The following ZNF470 variants were observed in gnomAD, a reference collection of about 807,000 sequenced individuals.
ZNF470 encodes zinc finger protein 470, also known as chondrogenesis zinc finger protein 1.
A neutral mutation model predicts 13.9 loss-of-function variants in ZNF470; 13 were observed. The observed-to-expected ratio is 0.94, with a 90% CI of 0.61 to 1.49. The LOEUF (loss-of-function observed/expected upper bound fraction) is 1.49, where lower values mean the gene tolerates loss of function less well. Among genes scored for constraint, ZNF470 ranks in the 40% most tolerant of loss-of-function variants. ZNF470 has a pLI of 0.00. For missense variants in ZNF470, 929 were observed against 857.3 expected (o/e 1.08, Z -1.04); for synonymous variants, 293 against 282.9 (o/e 1.04, Z -0.36).
chr19:56,579,521 T>A lies in ZNF470; in HGVS notation c.*938T>A. On this transcript the variant is annotated 3_prime_UTR_variant, in exon 6 of 6. Transcript: ENST00000330619. ...ACAAGCCAAAAAAACTTGAATAGAT[T>A]AATAGCCATGAAACACTGAAAAGGG... The A allele has an allele frequency of 4.1e-6, 4 of 985,314 alleles. 1 individual carries two copies. Among genetic ancestry groups the A allele is most frequent in the Non-Finnish European group, 4.8e-6 (4 of 829,866 alleles). The allele number at this position is 985,314 out of a possible 1,614,324, so 61.0% of individuals were successfully genotyped here.
In ZNF470 at chr19:56,580,848, T is replaced by G. The variant is rs992097868; in HGVS notation, c.*2265T>G. 1.9e-5 allele frequency: 19 copies of G among 985,154 alleles called. No homozygotes were observed. The highest frequency in any genetic ancestry group is 6.1e-5 in the Admixed American group (1 of 16,266). The allele number at this position is 985,154 out of a possible 1,614,324, so 61.0% of individuals were successfully genotyped here. ...TGATAAAAAGGATTTTTCATTGTAG[T>G]GGGGAAAAGGTGGTTTGATCAAATG... On this transcript the variant is annotated 3_prime_UTR_variant, in exon 6 of 6. Transcript: ENST00000330619.
Position 56,581,974 on chromosome 19 carries a change from C to G in ZNF470, c.*3391C>G. The G allele has an allele frequency of 1.0e-6, 1 of 985,328 alleles. No homozygotes were observed. Among genetic ancestry groups the G allele is most frequent in the African/African-American group, 1.7e-5 (1 of 57,292 alleles). 61.0% of individuals were successfully genotyped at this position (985,328 alleles called of 1,614,324 possible). A position where few individuals can be genotyped will look rare whatever the true frequency, so the allele number is the denominator to read the frequency against. ...TTCCTCAAACTACCCATTGTCTTTC[C>G]GGTACTTGATTTTTGCCTCCTGTTG... On this transcript the variant is annotated 3_prime_UTR_variant, in exon 6 of 6. Coordinates refer to ENST00000330619, the MANE Select transcript of ZNF470 (RefSeq NM_001001668.4).
chr19:56,567,563 G>T lies in ZNF470; in HGVS notation c.-634G>T. On this transcript the variant is annotated 5_prime_UTR_variant, in exon 1 of 6. Coordinates refer to ENST00000330619, the MANE Select transcript of ZNF470 (RefSeq NM_001001668.4). ...CGGGGCAGCGGCCGAGGCTGGACTG[G>T]GGCGCGGCGGGGGCGGTGTCCTGGT... is the stretch of plus-strand genomic sequence containing the variant. 1 of 986,190 alleles carries T rather than the reference G, an allele frequency of 1.0e-6. No individual in the cohort carries two copies. 61.1% of individuals were successfully genotyped at this position (986,190 alleles called of 1,614,324 possible).
chr19:56,574,257 G>T, intron 3 of ZNF470, 137 bp from the exon 4 acceptor site: 1 of 1,351,788 alleles, frequency 7.4e-7, no homozygotes, highest in South Asian at 1.2e-5. Context: ...TACCTGACCC[G>T]GATCATTTAG....
At position 56,582,153 on chromosome 19, in the gene ZNF470, CATG is replaced by C. The variant is rs2044540521; in HGVS notation, c.*3571_*3573del. Reference sequence around the variant, plus strand: ...TTATATTCTAGACTGGAAAGCATCTCATGGTGTGCGATGAGCAAACGCCTGATT... The same window carrying C: ...TTATATTCTAGACTGGAAAGCATCTCGTGTGCGATGAGCAAACGCCTGATT... On this transcript the variant is annotated 3_prime_UTR_variant, in exon 6 of 6. Transcript: ENST00000330619. 2 of 985,260 alleles carry C rather than the reference CATG, an allele frequency of 2.0e-6. No individual in the cohort carries two copies. Among genetic ancestry groups the C allele is most frequent in the Non-Finnish European group, 2.4e-6 (2 of 829,934 alleles). 61.0% of individuals were successfully genotyped at this position (985,260 alleles called of 1,614,324 possible).
Position 56,577,098 on chromosome 19 carries a change from AG to A in ZNF470, c.670del (p.Glu224LysfsTer5). The A allele has an allele frequency of 1.2e-6, 2 of 1,608,048 alleles. No homozygotes were observed. The highest frequency in any genetic ancestry group is 1.7e-6 in the Non-Finnish European group (2 of 1,178,436). On this transcript the variant is annotated frameshift_variant, in exon 6 of 6. Transcript: ENST00000330619. LOFTEE classifies it low-confidence loss of function (END_TRUNC). ...TGAAAAAACACAAGCAAGACCGTGG[AG>A]AAAAGAAACTTTTAAAATGTAATGA... is the stretch of plus-strand genomic sequence containing the variant. ...VVKKHKQDRGEKKLLKCNDCE... is the reference protein window; with the variant it reads ...VVKKHKQDRGXKKLLKCNDCE...
At chr19:56,573,865 A>G in intron 3 of ZNF470, 1 of 613,504 alleles carries the variant, frequency 1.6e-6, no homozygotes, top group Non-Finnish European at 2.0e-6. Context: ...CTTTTATTTC[A>G]GAAGAAAAGA....
Position 56,581,316 on chromosome 19 carries a change from C to A in ZNF470, c.*2733C>A. 2 of 810,208 alleles carry A rather than the reference C, an allele frequency of 2.5e-6. No individual in the cohort carries two copies. The highest frequency in any genetic ancestry group is 5.6e-5 in the South Asian group (1 of 17,714). The allele number at this position is 810,208 out of a possible 1,614,324, so 50.2% of individuals were successfully genotyped here. A position where few individuals can be genotyped will look rare whatever the true frequency, so the allele number is the denominator to read the frequency against. On this transcript the variant is annotated 3_prime_UTR_variant, in exon 6 of 6. Coordinates refer to ENST00000330619, the MANE Select transcript of ZNF470 (RefSeq NM_001001668.4). The stretch of plus-strand genomic sequence containing the variant: ...ATCTACTTTTTCCCCAAAAGACTGA[C>A]TAATCGAGTGATAACATTCAGTATT...
Position 56,579,086 on chromosome 19 carries a change from T to C in ZNF470, c.*503T>C. On this transcript the variant is annotated 3_prime_UTR_variant, in exon 6 of 6. Transcript: ENST00000330619. ...CTGTGACATTGTTGATGAGCAACTC[T>C]CACTTTACCTGACACTGAGAAGTGA... The C allele has an allele frequency of 8.1e-6, 8 of 985,652 alleles. No individual in the cohort carries two copies. The highest frequency in any genetic ancestry group is 9.6e-6 in the Non-Finnish European group (8 of 830,096). The allele number at this position is 985,652 out of a possible 1,614,324, so 61.1% of individuals were successfully genotyped here.
At position 56,574,723 on chromosome 19, in the gene ZNF470, C is replaced by T; in HGVS notation, c.273C>T (p.Gly91=). ...PWVIKGGMNR[G]LCPDLECVWV... is the part of the protein sequence containing the mutation. ...TGATAAAAGGAGGGATGAACAGAGG[C>T]CTGTGCCCAGGTAAGTGGAGGATAC... Residue 91 remains glycine, a synonymous_variant, in exon 5 of 6, where the codon GGC becomes GGT. Coordinates refer to ENST00000330619, the MANE Select transcript of ZNF470 (RefSeq NM_001001668.4). 1 of 1,613,410 alleles carries T rather than the reference C, an allele frequency of 6.2e-7. No homozygotes were observed.
At position 56,581,837 on chromosome 19, in the gene ZNF470, A is replaced by G. The variant is rs1474424593; in HGVS notation, c.*3254A>G. 2.0e-6 allele frequency: 2 copies of G among 985,368 alleles called. No individual in the cohort carries two copies. Among genetic ancestry groups the G allele is most frequent in the East Asian group, 1.1e-4 (1 of 8,802 alleles). 61.0% of individuals were successfully genotyped at this position (985,368 alleles called of 1,614,324 possible). A position where few individuals can be genotyped will look rare whatever the true frequency, so the allele number is the denominator to read the frequency against. The stretch of plus-strand genomic sequence containing the variant: ...GCCAATAAAATTGTCTCTGAATTTC[A>G]AAAGGCATTTGGATCTGTGTCATCC... On this transcript the variant is annotated 3_prime_UTR_variant, in exon 6 of 6. Coordinates refer to ENST00000330619, the MANE Select transcript of ZNF470 (RefSeq NM_001001668.4).
chr19:56,572,371 A>ATGTATATATATATATATATAT (rs1179200077), intron 3 of ZNF470, among the ~76,000 whole-genome samples: 1 of 17,242 alleles, frequency 5.8e-5, no homozygotes, highest in African/African-American at 8.3e-4. Flanking sequence ...AAAAAAAAAA[A>ATGTATATATATATATATATAT]ATATATATAT....
intron 3 of ZNF470, chr19:56,573,919 C>T (rs549910404): frequency 1.3e-5 from 13 of 981,404 alleles, no homozygotes; most frequent in Non-Finnish European, 1.6e-5. Context: ...AGGCATACCT[C>T]TTAACATCTC....
chr19:56,576,699 T>G lies in ZNF470; in HGVS notation c.284-14T>G. ...TTTAATAAAGGAGACATTTACTTTC[T>G]TAATATCTTTCAGACTTGGAGTGTG... On this transcript the variant is annotated splice_polypyrimidine_tract_variant and intron_variant, in intron 5 of 5. Coordinates refer to ENST00000330619, the MANE Select transcript of ZNF470 (RefSeq NM_001001668.4). 3 of 1,374,790 alleles carry G rather than the reference T, an allele frequency of 2.2e-6. No individual in the cohort carries two copies. The highest frequency in any genetic ancestry group is 2.8e-6 in the Non-Finnish European group (3 of 1,056,200). 85.2% of individuals were successfully genotyped at this position (1,374,790 alleles called of 1,614,324 possible). A position where few individuals can be genotyped will look rare whatever the true frequency, so the allele number is the denominator to read the frequency against.
At chr19:56,575,666 T>C (rs2044483857) in intron 5 of ZNF470, among the ~76,000 whole-genome samples, 1 of 152,084 alleles carries the variant, frequency 6.6e-6, no homozygotes, top group Non-Finnish European at 1.5e-5. Context: ...AGAGACAGGA[T>C]CTTGCTATGT....
chr19:56,580,415 C>T lies in ZNF470; in HGVS notation c.*1832C>T, dbSNP rs1292627348. The stretch of plus-strand genomic sequence containing the variant: ...TTCTGGAGAACACCCATATCCTTCT[C>T]TCTGTATCCATCAGCAGAAGTGAAG... On this transcript the variant is annotated 3_prime_UTR_variant, in exon 6 of 6. Coordinates refer to ENST00000330619, the MANE Select transcript of ZNF470 (RefSeq NM_001001668.4). 1.3e-5 allele frequency: 2 copies of T among 153,014 alleles called. No homozygotes were observed. Among genetic ancestry groups the T allele is most frequent in the Non-Finnish European group, 2.9e-5 (2 of 68,812 alleles). 9.5% of individuals were successfully genotyped at this position (153,014 alleles called of 1,614,324 possible). A position where few individuals can be genotyped will look rare whatever the true frequency, so the allele number is the denominator to read the frequency against.
chr19:56,572,376 A>T (rs866870963), intron 3 of ZNF470, among the ~76,000 whole-genome samples: 1 of 90,662 alleles, frequency 1.1e-5, no homozygotes, highest in African/African-American at 6.6e-5. Context: ...AAAAAAATAT[A>T]TATATATATA....
At position 56,580,957 on chromosome 19, in the gene ZNF470, T is replaced by C. The variant is rs920522995; in HGVS notation, c.*2374T>C. 3 of 984,924 alleles carry C rather than the reference T, an allele frequency of 3.0e-6. No homozygotes were observed. In the African/African-American group the frequency reaches 5.2e-5, roughly 17 times the overall value. The allele number at this position is 984,924 out of a possible 1,614,324, so 61.0% of individuals were successfully genotyped here. On this transcript the variant is annotated 3_prime_UTR_variant, in exon 6 of 6. Coordinates refer to ENST00000330619, the MANE Select transcript of ZNF470 (RefSeq NM_001001668.4). ...GCCTGAGATATTAAAGGTCTAAATG[T>C]AAAATTAAAGTACATGAAAAACAGA...
Position 56,581,501 on chromosome 19 carries a change from T to C in ZNF470, c.*2918T>C. ...AATGGTAAACTATTAAAACAACAAGTGTCCATCAGGGTAATAAATAAATTA... is the reference window on the plus strand; with the variant it reads ...AATGGTAAACTATTAAAACAACAAGCGTCCATCAGGGTAATAAATAAATTA... On this transcript the variant is annotated 3_prime_UTR_variant, in exon 6 of 6. Coordinates refer to ENST00000330619, the MANE Select transcript of ZNF470 (RefSeq NM_001001668.4). 1.2e-6 allele frequency: 1 copy of C among 868,558 alleles called. No individual in the cohort carries two copies. Among genetic ancestry groups the C allele is most frequent in the Non-Finnish European group, 1.4e-6 (1 of 723,892 alleles). 53.8% of individuals were successfully genotyped at this position (868,558 alleles called of 1,614,324 possible). A position where few individuals can be genotyped will look rare whatever the true frequency, so the allele number is the denominator to read the frequency against.
Sources: gnomAD v4.1 joint callset for allele counts (sites outside exome capture counted in the v4.1 genomes callset) on GRCh38, gnomAD v4.1.1 for gene constraint, MANE v1.5 for transcripts, NCBI Gene and HGNC (gene_info 2026-07-23, HGNC 2026-07-21) for gene names.